The following ENPP6 variants were observed in gnomAD, a reference collection of about 807,000 sequenced individuals.
ENPP6 encodes ectonucleotide pyrophosphatase/phosphodiesterase 6, also known as glycerophosphocholine cholinephosphodiesterase ENPP6.
ENPP6 carries 32 observed loss-of-function variants against 42.0 expected under a neutral mutation model. That is an observed-to-expected ratio of 0.76 (90% CI 0.58 to 1.02). ENPP6 has a LOEUF of 1.02. Among genes scored for constraint, ENPP6 ranks in the 50% least tolerant of loss-of-function variants. The pLI, the probability that ENPP6 is intolerant of heterozygous loss-of-function variation, is 0.00. For synonymous variants in ENPP6, 213 were observed against 216.0 expected (o/e 0.99, Z 0.12); for missense variants, 552 against 566.8 (o/e 0.97, Z 0.27).
At chr4:184,208,989 A>G (rs1470883675) in intron 1 of ENPP6, among the ~76,000 whole-genome samples, 11 of 142,634 alleles carry the variant, frequency 7.7e-5, no homozygotes, top group Admixed American at 2.9e-4. Context: ...GACACCTCAC[A>G]CGGCAGGGTA....
intron 1 of ENPP6, among the ~76,000 whole-genome samples, chr4:184,177,715 G>A (rs1732463126): frequency 6.6e-6 from 1 of 152,142 alleles, no homozygotes; most frequent in South Asian, 2.1e-4. Context: ...CTCCAGGTGT[G>A]GGAGGAACCC....
At chr4:184,208,626 C>G (rs1180060926) in intron 1 of ENPP6, among the ~76,000 whole-genome samples, 1 of 150,066 alleles carries the variant, frequency 6.7e-6, no homozygotes, top group African/African-American at 2.5e-5. Flanking sequence ...GCACAGCGGT[C>G]TGAGATCAAA....
intron 2 of ENPP6, among the ~76,000 whole-genome samples, chr4:184,132,270 T>C (rs1394113089): frequency 6.6e-6 from 1 of 152,130 alleles, no homozygotes; most frequent in Non-Finnish European, 1.5e-5. Flanking sequence ...ATATGATGAG[T>C]TCTCACATTG....
intron 2 of ENPP6, among the ~76,000 whole-genome samples, chr4:184,127,934 C>A (rs1328052491): frequency 3.3e-5 from 5 of 151,888 alleles, no homozygotes; most frequent in Non-Finnish European, 5.9e-5. Context: ...GAAGAGAAAG[C>A]ATTTTCATTG....
At chr4:184,196,956 CA>C (rs1437158730) in intron 1 of ENPP6, among the ~76,000 whole-genome samples, 2 of 152,212 alleles carry the variant, frequency 1.3e-5, no homozygotes, top group African/African-American at 4.8e-5. Flanking sequence ...CCAGTCAGTT[CA>C]AAAGAACAGG....
At chr4:184,162,553 A>AGGG (rs376071303) in intron 1 of ENPP6, among the ~76,000 whole-genome samples, 6,728 of 55,900 alleles carry the variant, frequency 0.12, 177 homozygotes, top group Non-Finnish European at 0.19. Flanking sequence ...GGGAAGAAGG[A>AGGG]AGGAAAGAAG....
At chr4:184,121,962 C>A (rs957917249) in intron 3 of ENPP6, among the ~76,000 whole-genome samples, 2 of 152,160 alleles carry the variant, frequency 1.3e-5, no homozygotes, top group Non-Finnish European at 1.5e-5. Flanking sequence ...AGGGGAGGCC[C>A]AAGTCATCTC....
chr4:184,159,250 T>G (rs1040086484), intron 1 of ENPP6, among the ~76,000 whole-genome samples: 2 of 152,246 alleles, frequency 1.3e-5, no homozygotes, highest in African/African-American at 4.8e-5. Context: ...AAAAGCAAAT[T>G]TGCTCATATT....
intron 1 of ENPP6, among the ~76,000 whole-genome samples, chr4:184,192,684 C>A (rs1732726791): frequency 6.6e-6 from 1 of 152,192 alleles, no homozygotes; most frequent in African/African-American, 2.4e-5. Flanking sequence ...AAGAAAAATA[C>A]ATGCCAATCA....
At chr4:184,144,620 G>A (rs1736888509) in intron 2 of ENPP6, among the ~76,000 whole-genome samples, 1 of 152,228 alleles carries the variant, frequency 6.6e-6, no homozygotes, top group South Asian at 2.1e-4. Flanking sequence ...AACTAAGGTA[G>A]GAGGCAAAGG....
chr4:184,118,002 AC>A, intron 3 of ENPP6, 102 bp from the exon 4 acceptor site: 1 of 1,429,168 alleles, frequency 7.0e-7, no homozygotes, highest in Non-Finnish European at 9.3e-7. Context: ...GCCCCCCGAA[AC>A]CTTGTCCCTG....
At chr4:184,213,712 C>G (rs1733153866) in intron 1 of ENPP6, among the ~76,000 whole-genome samples, 1 of 149,424 alleles carries the variant, frequency 6.7e-6, no homozygotes, top group African/African-American at 2.4e-5. Flanking sequence ...ACTGGAAATA[C>G]CATTTGACCC....
intron 1 of ENPP6, among the ~76,000 whole-genome samples, chr4:184,204,874 T>A (rs1030285337): frequency 3.3e-5 from 5 of 152,228 alleles, no homozygotes; most frequent in Admixed American, 3.3e-4. Flanking sequence ...ATCAAAGTGA[T>A]CATTCATTTC....
chr4:184,118,700 G>C (rs776344127), intron 3 of ENPP6, among the ~76,000 whole-genome samples: 3 of 152,196 alleles, frequency 2.0e-5, no homozygotes, highest in Non-Finnish European at 2.9e-5. Context: ...ACACATGCTT[G>C]CTTGCCAGCT....
At chr4:184,117,607 C>T (rs928275210) in intron 4 of ENPP6, 152 bp downstream of exon 4, 1 of 1,100,128 alleles carries the variant, frequency 9.1e-7, no homozygotes, top group Non-Finnish European at 1.3e-6. Context: ...TCGCAGGAGG[C>T]ATTGTGTGAA....
At chr4:184,205,510 C>G (rs972073807) in intron 1 of ENPP6, among the ~76,000 whole-genome samples, 1 of 152,224 alleles carries the variant, frequency 6.6e-6, no homozygotes, top group Non-Finnish European at 1.5e-5. Context: ...GAGCGAGGCC[C>G]CGAAGGGGCT....
In ENPP6 at chr4:184,145,341, T is replaced by C. The variant is rs924117916; in HGVS notation, c.421+8213A>G. Among the ~76,000 whole-genome samples the C allele has an allele frequency of 3.3e-5, 5 of 152,250 alleles. No homozygotes were observed. In the South Asian group the frequency reaches 8.3e-4, roughly 25 times the overall value. On this transcript the variant is annotated intron_variant, in intron 2 of 7. Coordinates refer to ENST00000296741, the MANE Select transcript of ENPP6 (RefSeq NM_153343.4). ...TCTTTCTTCCTTCCCTTCCTTTCTA[T>C]CCTCTCCCCTTTTTCTTCTTTATTT...
At chr4:184,200,159 C>T (rs1437686624) in intron 1 of ENPP6, among the ~76,000 whole-genome samples, 2 of 152,162 alleles carry the variant, frequency 1.3e-5, no homozygotes, top group Non-Finnish European at 2.9e-5. Context: ...TAAAAGCAGC[C>T]AAGAACTGGC....
At chr4:184,145,818 T>C (rs756224753) in intron 2 of ENPP6, among the ~76,000 whole-genome samples, 2 of 152,228 alleles carry the variant, frequency 1.3e-5, no homozygotes, top group African/African-American at 2.4e-5. Context: ...AGATGTGCGA[T>C]GCGTGTCAGG....
Sources: allele counts gnomAD v4.1 joint callset (sites outside exome capture counted in the v4.1 genomes callset), GRCh38; gene constraint gnomAD v4.1.1; transcripts MANE v1.5; gene names NCBI Gene and HGNC (gene_info 2026-07-23, HGNC 2026-07-21).